Variants in SORCS3 observed in about 807,000 individuals in gnomAD.
The protein encoded by SORCS3 is VPS10 domain-containing receptor SorCS3.
A neutral mutation model predicts 146.3 loss-of-function variants in SORCS3; 57 were observed. The ratio of observed to expected loss-of-function variants is 0.39; its 90% CI spans 0.31 to 0.49. SORCS3 has a LOEUF of 0.49. SORCS3 is among the 20% of genes least tolerant of loss of function. The probability of loss-of-function intolerance (pLI) is 0.92; values close to 1 mark genes in which losing one functional copy is unlikely to be tolerated. For synonymous variants in SORCS3, 653 were observed against 618.5 expected (o/e 1.06, Z -0.83); for missense variants, 1,341 against 1,575.5 (o/e 0.85, Z 2.52).
At chr10:105,205,183 G>A (rs1344797356) in intron 16 of SORCS3, among the ~76,000 whole-genome samples, 3 of 152,116 alleles carry the variant, frequency 2.0e-5, no homozygotes, top group African/African-American at 7.2e-5. Flanking sequence ...AGTTTGGGAG[G>A]GAAGAGTAAA....
At chr10:105,124,196 G>A (rs1013338006) in intron 7 of SORCS3, among the ~76,000 whole-genome samples, 3 of 152,170 alleles carry the variant, frequency 2.0e-5, no homozygotes, top group Admixed American at 1.3e-4. Context: ...TAGCTCCACA[G>A]CCCAAGCTGC....
chr10:104,846,671 G>A (rs1157402851), intron 2 of SORCS3, among the ~76,000 whole-genome samples: 1 of 152,154 alleles, frequency 6.6e-6, no homozygotes, highest in Non-Finnish European at 1.5e-5. Context: ...ATTCTTTCCA[G>A]AATACCTTGG....
At chr10:104,946,958 A>T (rs2019377495) in intron 3 of SORCS3, among the ~76,000 whole-genome samples, 1 of 152,118 alleles carries the variant, frequency 6.6e-6, no homozygotes, top group South Asian at 2.1e-4. Context: ...GGACAGCAGG[A>T]TGGATGAAAC....
At position 104,696,028 on chromosome 10, in the gene SORCS3, CATATA is replaced by C. The variant is rs1472547417; in HGVS notation, c.627+54080_627+54084del. 2.7e-3 allele frequency among the ~76,000 whole-genome samples: 354 copies of C among 131,330 alleles called. 2 individuals are homozygous for C. The highest frequency in any genetic ancestry group is 9.3e-3 in the African/African-American group (320 of 34,558). 86.2% of individuals were successfully genotyped at this position (131,330 alleles called of 152,430 possible). On this transcript the variant is annotated intron_variant, in intron 1 of 26. Transcript: ENST00000369701. ...ATATATATAATATATATCATATACACATATAATATATAATATATATCATATACACA... is the reference window on the plus strand; with the variant it reads ...ATATATATAATATATATCATATACACATATATAATATATATCATATACACA...
chr10:104,882,419 A>G (rs562739146), intron 2 of SORCS3, among the ~76,000 whole-genome samples: 3 of 152,210 alleles, frequency 2.0e-5, no homozygotes, highest in Admixed American at 2.0e-4. Flanking sequence ...GGAAAAAATG[A>G]CTATCAGAGC....
intron 3 of SORCS3, among the ~76,000 whole-genome samples, chr10:104,947,167 T>G (rs1296771047): frequency 1.3e-5 from 2 of 152,212 alleles, no homozygotes; most frequent in Non-Finnish European, 2.9e-5. Flanking sequence ...GAGTCACTTA[T>G]AAAGAGCTCT....
intron 2 of SORCS3, among the ~76,000 whole-genome samples, chr10:104,860,326 A>ACCAAACAC (rs1287500170): frequency 8.0e-6 from 1 of 125,328 alleles, no homozygotes; most frequent in South Asian, 2.8e-4. Flanking sequence ...AGAACAAAAA[A>ACCAAACAC]CCAAACACCG....
intron 1 of SORCS3, among the ~76,000 whole-genome samples, chr10:104,818,518 A>T (rs1332111660): frequency 6.6e-6 from 1 of 151,760 alleles, no homozygotes; most frequent in Non-Finnish European, 1.5e-5. Flanking sequence ...CTCCCTTCAA[A>T]AGAAGAGATA....
chr10:104,901,219 C>A (rs545487942), intron 2 of SORCS3, among the ~76,000 whole-genome samples: 17 of 152,078 alleles, frequency 1.1e-4, no homozygotes, highest in Non-Finnish European at 2.5e-4. Context: ...ATGTGCATTG[C>A]CTGCTTTAGT....
intron 7 of SORCS3, among the ~76,000 whole-genome samples, chr10:105,107,192 C>A (rs1387900114): frequency 6.6e-6 from 1 of 152,158 alleles, no homozygotes; most frequent in Non-Finnish European, 1.5e-5. Flanking sequence ...GTCTGTGTTG[C>A]CAAATTAAAT....
chr10:105,164,467 T>G, intron 12 of SORCS3, 88 bp downstream of exon 12: 1 of 988,992 alleles, frequency 1.0e-6, no homozygotes, highest in Non-Finnish European at 1.6e-6. Flanking sequence ...CTCAGCCTCA[T>G]TATGACTTTG....
chr10:104,939,615 G>C (rs1316259296), intron 3 of SORCS3, among the ~76,000 whole-genome samples: 3 of 152,094 alleles, frequency 2.0e-5, no homozygotes, highest in Non-Finnish European at 4.4e-5. Context: ...GGGGAAGAGG[G>C]AGGTCAAGGC....
intron 1 of SORCS3, among the ~76,000 whole-genome samples, chr10:104,696,743 A>C (rs1564661676): frequency 9.3e-6 from 1 of 107,720 alleles, no homozygotes; most frequent in Non-Finnish European, 1.8e-5. Flanking sequence ...TATAATATAT[A>C]TTATATACGT....
chr10:104,833,758 A>G (rs1001464726), intron 1 of SORCS3, among the ~76,000 whole-genome samples: 1 of 152,136 alleles, frequency 6.6e-6, no homozygotes, highest in East Asian at 1.9e-4. Flanking sequence ...AAGTCCATCC[A>G]ATCACTGACA....
chr10:105,195,328 T>C (rs554617856), intron 14 of SORCS3, among the ~76,000 whole-genome samples: 1 of 152,266 alleles, frequency 6.6e-6, no homozygotes, highest in Non-Finnish European at 1.5e-5. Context: ...AGAAGCGGTC[T>C]GGGCTTTCTC....
In SORCS3 at chr10:104,830,706, G is replaced by A. The variant is rs140192783; in HGVS notation, c.628-12086G>A. ...ACCTGCCATACATAGGCAGGATTGT[G>A]GGGTGAGAGTAAACAGCACAGCCTA... On this transcript the variant is annotated intron_variant, in intron 1 of 26. Transcript: ENST00000369701. 2.8e-4 allele frequency among the ~76,000 whole-genome samples: 43 copies of A among 152,330 alleles called. No individual in the cohort carries two copies. In the East Asian group the frequency reaches 7.9e-3, roughly 28 times the overall value.
In SORCS3 at chr10:105,235,664, C is replaced by T. The variant is rs766529910; in HGVS notation, c.2869-9878C>T. On this transcript the variant is annotated intron_variant, in intron 20 of 26. Transcript: ENST00000369701. ...ACAACTGAAGAGAAGGTCACCCCAT[C>T]CTTACTCCTGCATAAGTGGGAGATA... Among the ~76,000 whole-genome samples the T allele has an allele frequency of 2.6e-5, 4 of 151,934 alleles. 1 individual carries two copies. The highest frequency in any genetic ancestry group is 4.1e-4 in the South Asian group (2 of 4,824).
chr10:105,233,931 G>C (rs975315120), intron 20 of SORCS3, among the ~76,000 whole-genome samples: 1 of 152,112 alleles, frequency 6.6e-6, no homozygotes, highest in Non-Finnish European at 1.5e-5. Flanking sequence ...ACCCAGTAAT[G>C]GGATTGCTGG....
intron 20 of SORCS3, among the ~76,000 whole-genome samples, chr10:105,235,507 A>G (rs1369049656): frequency 6.7e-6 from 1 of 150,052 alleles, no homozygotes; most frequent in African/African-American, 2.5e-5. Context: ...TAAACTCATA[A>G]TGTGATTGGC....
Sources: allele counts gnomAD v4.1 joint callset (sites outside exome capture counted in the v4.1 genomes callset), GRCh38; gene constraint gnomAD v4.1.1; transcripts MANE v1.5; gene names NCBI Gene and HGNC (gene_info 2026-07-23, HGNC 2026-07-21).